Variants in SLC38A9 observed in about 807,000 individuals in gnomAD.
SLC38A9 encodes neutral amino acid transporter 9.
In SLC38A9, 48 loss-of-function variants were observed where a neutral mutation model predicts 62.3. The observed-to-expected ratio is 0.77, with a 90% CI of 0.61 to 0.98. SLC38A9 has a LOEUF of 0.98. SLC38A9 is among the 50% of genes least tolerant of loss of function. SLC38A9 has a pLI of 0.00. For synonymous variants in SLC38A9, 204 were observed against 227.7 expected, an observed-to-expected ratio of 0.90 and a Z score of 0.94; for missense variants, 541 against 679.8, an observed-to-expected ratio of 0.80 and a Z score of 2.27.
chr5:55,645,721 C>T, intron 12 of SLC38A9, 68 bp downstream of exon 12: 1 of 1,082,252 alleles, frequency 9.2e-7, no homozygotes, highest in Non-Finnish European at 1.4e-6. Flanking sequence ...TATAAAGTGC[C>T]TCAAATACTG....
At chr5:55,656,925 A>G (rs1748553311) in intron 8 of SLC38A9, 151 bp from the exon 9 acceptor site, 1 of 362,762 alleles carries the variant, frequency 2.8e-6, no homozygotes, top group East Asian at 4.6e-5. Flanking sequence ...CAGTGGCACG[A>G]TCTTGGCTTA....
chr5:55,687,065 G>GTTTTTTTTTTT (rs56912932), intron 3 of SLC38A9, among the ~76,000 whole-genome samples: 5 of 125,720 alleles, frequency 4.0e-5, no homozygotes, highest in Admixed American at 7.9e-5. Flanking sequence ...CTCCAGCTTT[G>GTTTTTTTTTTT]TTTTTTTTTT....
At chr5:55,685,668 GC>G in intron 3 of SLC38A9, among the ~76,000 whole-genome samples, 1 of 152,090 alleles carries the variant, frequency 6.6e-6, no homozygotes, top group East Asian at 1.9e-4. Flanking sequence ...TGCAGGATGT[GC>G]CTATGTACAT....
chr5:55,654,018 T>G (rs551506212), intron 9 of SLC38A9, among the ~76,000 whole-genome samples: 1 of 120,514 alleles, frequency 8.3e-6, no homozygotes, highest in African/African-American at 2.8e-5. Context: ...TCAGACAGAG[T>G]ACCAGCCATT....
intron 2 of SLC38A9, among the ~76,000 whole-genome samples, chr5:55,707,586 A>G (rs1371449751): frequency 6.6e-6 from 1 of 152,158 alleles, no homozygotes; most frequent in East Asian, 1.9e-4. Context: ...GTCTCAAAAC[A>G]AAACCCAGAC....
intron 10 of SLC38A9, among the ~76,000 whole-genome samples, chr5:55,651,272 A>G (rs562426006): frequency 1.5e-4 from 4 of 26,620 alleles, no homozygotes; most frequent in Non-Finnish European, 4.7e-4. Flanking sequence ...TTTTTTTAAG[A>G]CAGAGTCTCA....
chr5:55,655,091 C>T (rs753585741), intron 9 of SLC38A9, among the ~76,000 whole-genome samples: 5 of 152,134 alleles, frequency 3.3e-5, no homozygotes, highest in South Asian at 2.1e-4. Context: ...CCTCCTGCCT[C>T]GGCCTCCCAA....
intron 8 of SLC38A9, among the ~76,000 whole-genome samples, chr5:55,657,537 G>C (rs781289485): frequency 1.0e-4 from 15 of 149,140 alleles, no homozygotes; most frequent in Non-Finnish European, 1.6e-4. Context: ...ATAGATCTAA[G>C]GCCATATACG....
intron 14 of SLC38A9, among the ~76,000 whole-genome samples, chr5:55,632,238 C>T (rs777095190): frequency 7.2e-5 from 11 of 152,072 alleles, no homozygotes; most frequent in Non-Finnish European, 1.6e-4. Context: ...GAGATTGAGA[C>T]CATCCTGGCT....
At chr5:55,633,034 G>A in intron 14 of SLC38A9, among the ~76,000 whole-genome samples, 1 of 151,348 alleles carries the variant, frequency 6.6e-6, no homozygotes, top group African/African-American at 2.4e-5. Context: ...TTGGAGTCAG[G>A]GTCTCACTGT....
intron 8 of SLC38A9, among the ~76,000 whole-genome samples, chr5:55,661,565 A>T (rs1749580925): frequency 6.6e-6 from 1 of 152,082 alleles, no homozygotes. Flanking sequence ...TACAATATCA[A>T]TTACTATACG....
intron 4 of SLC38A9, 59 bp from the exon 5 acceptor site, chr5:55,669,938 G>A: frequency 1.3e-6 from 2 of 1,506,344 alleles, no homozygotes; most frequent in Non-Finnish European, 1.8e-6. Context: ...TAGGATATTT[G>A]TTACACATCA....
At chr5:55,705,070 T>G (rs57993733) in intron 2 of SLC38A9, among the ~76,000 whole-genome samples, 6,627 of 152,248 alleles carry the variant, frequency 0.044, 210 homozygotes, top group African/African-American at 0.094. Flanking sequence ...GAAACTTTTT[T>G]TAAAAGAAAA....
At chr5:55,705,793 C>T (rs1561451901) in intron 2 of SLC38A9, among the ~76,000 whole-genome samples, 1 of 151,814 alleles carries the variant, frequency 6.6e-6, no homozygotes, top group African/African-American at 2.4e-5. Flanking sequence ...CTGCAACCTC[C>T]GCCTCCCCAT....
intron 11 of SLC38A9, among the ~76,000 whole-genome samples, chr5:55,646,797 CTGGAATGCAG>C (rs1348392415): frequency 3.3e-5 from 5 of 152,172 alleles, no homozygotes; most frequent in Non-Finnish European, 5.9e-5. Context: ...GTCACCCAGG[CTGGAATGCAG>C]TGGCACAAAC....
At chr5:55,695,484 G>A (rs1174539065) in intron 3 of SLC38A9, among the ~76,000 whole-genome samples, 1 of 94,892 alleles carries the variant, frequency 1.1e-5, no homozygotes, top group Admixed American at 1.0e-4. Flanking sequence ...TGAGCATGCT[G>A]CCTTCAAGCA....
chr5:55,658,452 C>G (rs1215595485), intron 8 of SLC38A9, among the ~76,000 whole-genome samples: 1 of 152,172 alleles, frequency 6.6e-6, no homozygotes, highest in Admixed American at 6.5e-5. Context: ...CCGCGCCCAG[C>G]CCAATTTATA....
At chr5:55,695,915 T>C (rs1755473290) in intron 3 of SLC38A9, 1 of 75,776 alleles carries the variant, frequency 1.3e-5, no homozygotes, top group African/African-American at 4.1e-5. Context: ...CCCACCTCCC[T>C]CCCGGACGGG....
chr5:55,628,582 A>C (rs149834103), intron 14 of SLC38A9, among the ~76,000 whole-genome samples: 2 of 152,318 alleles, frequency 1.3e-5, no homozygotes, highest in Non-Finnish European at 2.9e-5. Context: ...TTCTATATTT[A>C]ACAAACTTTT....
Sources: allele counts gnomAD v4.1 joint callset (sites outside exome capture counted in the v4.1 genomes callset), GRCh38; gene constraint gnomAD v4.1.1; transcripts MANE v1.5; gene names NCBI Gene and HGNC (gene_info 2026-07-23, HGNC 2026-07-21).